Variants in PTPRD observed in about 807,000 individuals in gnomAD.
The protein encoded by PTPRD is receptor-type tyrosine-protein phosphatase delta.
PTPRD carries 34 observed loss-of-function variants against 214.5 expected under a neutral mutation model. The observed-to-expected ratio is 0.16, with a 90% CI of 0.12 to 0.21. PTPRD has a LOEUF of 0.21. PTPRD is among the 10% of genes least tolerant of loss of function. The pLI, the probability that PTPRD is intolerant of heterozygous loss-of-function variation, is 1.00. For synonymous variants in PTPRD, 1,128 were observed against 845.7 expected (o/e 1.33, Z -5.79); for missense variants, 2,545 against 2,398.7 (o/e 1.06, Z -1.27).
intron 10 of PTPRD, among the ~76,000 whole-genome samples, chr9:9,172,315 G>A (rs2099921955): frequency 6.6e-6 from 1 of 152,088 alleles, no homozygotes; most frequent in South Asian, 2.1e-4. Flanking sequence ...TTTCCCTAAA[G>A]AAACATAGTA....
intron 7 of PTPRD, among the ~76,000 whole-genome samples, chr9:9,646,346 T>TGG (rs1201936419): frequency 1.4e-5 from 2 of 145,718 alleles, no homozygotes; most frequent in African/African-American, 2.6e-5. Context: ...TGTGTGTGGG[T>TGG]GTGTGTGTGT....
intron 3 of PTPRD, among the ~76,000 whole-genome samples, chr9:10,207,849 A>AAAC (rs1014414730): frequency 3.3e-5 from 5 of 152,096 alleles, no homozygotes; most frequent in East Asian, 1.9e-4. Context: ...TATGGAAGCA[A>AAAC]AACAACAACA....
chr9:8,843,332 A>T (rs2097603956), intron 11 of PTPRD, among the ~76,000 whole-genome samples: 1 of 152,242 alleles, frequency 6.6e-6, no homozygotes, highest in Non-Finnish European at 1.5e-5. Context: ...TTTTTGAAAC[A>T]CAGTATCTTT....
chr9:9,563,553 C>A (rs559479171), intron 8 of PTPRD, among the ~76,000 whole-genome samples: 1 of 152,158 alleles, frequency 6.6e-6, no homozygotes, highest in Non-Finnish European at 1.5e-5. Flanking sequence ...CAGGGACAGC[C>A]TACAGAGCTG....
At chr9:8,745,478 A>T (rs1027097502) in intron 11 of PTPRD, among the ~76,000 whole-genome samples, 1 of 152,192 alleles carries the variant, frequency 6.6e-6, no homozygotes. Flanking sequence ...GGATGAAAGA[A>T]TCTCACTGAA....
intron 14 of PTPRD, among the ~76,000 whole-genome samples, chr9:8,535,336 G>A (rs971593390): frequency 6.6e-6 from 1 of 151,882 alleles, no homozygotes; most frequent in African/African-American, 2.4e-5. Context: ...ATCTAGACAC[G>A]CAACTAAATT....
At chr9:8,853,304 C>T (rs2097853631) in intron 11 of PTPRD, among the ~76,000 whole-genome samples, 2 of 152,172 alleles carry the variant, frequency 1.3e-5, no homozygotes, top group Non-Finnish European at 2.9e-5. Context: ...TGAACTTTTA[C>T]ATCTGAGGCT....
At chr9:8,539,289 T>C (rs943306875) in intron 14 of PTPRD, among the ~76,000 whole-genome samples, 6 of 151,908 alleles carry the variant, frequency 3.9e-5, no homozygotes, top group African/African-American at 1.2e-4. Flanking sequence ...GATTAAATGA[T>C]AGGGAAAGTC....
At chr9:8,568,049 G>C (rs16928138) in intron 14 of PTPRD, among the ~76,000 whole-genome samples, 1 of 151,932 alleles carries the variant, frequency 6.6e-6, no homozygotes, top group Non-Finnish European at 1.5e-5. Flanking sequence ...ATGTATCAGA[G>C]GCTGACAGTT....
At chr9:9,768,586 G>C (rs2494411) in intron 5 of PTPRD, among the ~76,000 whole-genome samples, 21,299 of 151,268 alleles carry the variant, frequency 0.14, 2,047 homozygotes, top group African/African-American at 0.27. Context: ...TTTTTTTTTG[G>C]CAGGGACGAA....
At chr9:10,171,779 T>A (rs1291245240) in intron 3 of PTPRD, among the ~76,000 whole-genome samples, 1 of 152,172 alleles carries the variant, frequency 6.6e-6, no homozygotes, top group African/African-American at 2.4e-5. Context: ...CGCCGTGGCC[T>A]CCCAAAGTGC....
chr9:9,857,850 TG>T (rs2061852561), intron 5 of PTPRD, among the ~76,000 whole-genome samples: 1 of 152,322 alleles, frequency 6.6e-6, no homozygotes, highest in South Asian at 2.1e-4. Context: ...AGTATAAGTC[TG>T]GTTGAAGAAA....
At chr9:9,227,660 T>C (rs1377278823) in intron 9 of PTPRD, among the ~76,000 whole-genome samples, 1 of 152,126 alleles carries the variant, frequency 6.6e-6, no homozygotes, top group African/African-American at 2.4e-5. Flanking sequence ...TGTAGTTCTT[T>C]CCTTCTTGAA....
intron 12 of PTPRD, among the ~76,000 whole-genome samples, chr9:8,647,972 TC>T (rs2096730382): frequency 6.6e-6 from 1 of 152,190 alleles, no homozygotes; most frequent in African/African-American, 2.4e-5. Context: ...CCATGGGACT[TC>T]CCTGCCAGTT....
intron 11 of PTPRD, among the ~76,000 whole-genome samples, chr9:8,965,101 G>C (rs936436715): frequency 4.6e-5 from 7 of 152,080 alleles, no homozygotes; most frequent in Non-Finnish European, 1.0e-4. Flanking sequence ...TGTTAGGCCA[G>C]GCACAGTGGT....
At chr9:9,206,072 G>A (rs538473088) in intron 9 of PTPRD, among the ~76,000 whole-genome samples, 4 of 152,144 alleles carry the variant, frequency 2.6e-5, no homozygotes, top group Non-Finnish European at 5.9e-5. Flanking sequence ...AGATAATTGG[G>A]GGAAGAGTAT....
At chr9:10,246,148 C>T (rs2092047622) in intron 3 of PTPRD, among the ~76,000 whole-genome samples, 1 of 152,100 alleles carries the variant, frequency 6.6e-6, no homozygotes, top group African/African-American at 2.4e-5. Flanking sequence ...TATGCAACTA[C>T]TAGATATAAA....
intron 7 of PTPRD, among the ~76,000 whole-genome samples, chr9:9,661,855 T>G (rs369872367): frequency 1.8e-4 from 27 of 151,760 alleles, no homozygotes; most frequent in African/African-American, 6.5e-4. Context: ...ATTTGAGTGC[T>G]TGTTTCAGCC....
chr9:8,498,940 A>C (rs985147584), intron 25 of PTPRD, among the ~76,000 whole-genome samples: 1 of 152,190 alleles, frequency 6.6e-6, no homozygotes, highest in Non-Finnish European at 1.5e-5. Flanking sequence ...ACAACTAATT[A>C]TAAAACCGGG....
Sources: allele counts gnomAD v4.1 joint callset (sites outside exome capture counted in the v4.1 genomes callset), GRCh38; gene constraint gnomAD v4.1.1; transcripts MANE v1.5; gene names NCBI Gene and HGNC (gene_info 2026-07-23, HGNC 2026-07-21).